Variants in HTR1F observed in about 807,000 individuals in gnomAD.
HTR1F encodes 5-hydroxytryptamine receptor 1F.
Under a neutral mutation model 24.0 loss-of-function variants are expected in HTR1F, and 17 were observed. The observed-to-expected ratio is 0.71, with a 90% CI of 0.48 to 1.06. The LOEUF is 1.06. Among genes scored for constraint, HTR1F ranks in the 50% least tolerant of loss-of-function variants. The pLI, the probability that HTR1F is intolerant of heterozygous loss-of-function variation, is 0.00. For missense variants in HTR1F, 391 were observed against 427.8 expected, an observed-to-expected ratio of 0.91 and a Z score of 0.76; for synonymous variants, 186 against 156.8, an observed-to-expected ratio of 1.19 and a Z score of -1.39.
rs1215131648 is a variant in HTR1F, at chr3:87,902,361, T to G, written c.-43+80237T>G. On this transcript the variant is annotated intron_variant, in intron 2 of 2. Transcript: ENST00000319595. The stretch of plus-strand genomic sequence containing the variant: ...TTGCTCCAGAAAAATTTAATTTCAT[T>G]GGGGAGGAATATGAATCTTGATTCC... Among the ~76,000 whole-genome samples, 4 of 152,112 alleles carry G rather than the reference T, an allele frequency of 2.6e-5. No individual in the cohort carries two copies. The East Asian group carries it at 7.7e-4, about 29-fold the overall frequency.
At chr3:87,840,953 A>C (rs1488354644) in intron 2 of HTR1F, among the ~76,000 whole-genome samples, 1 of 151,888 alleles carries the variant, frequency 6.6e-6, no homozygotes, top group Non-Finnish European at 1.5e-5. Context: ...GGAAAAGGGG[A>C]GATGTTGGTC....
At chr3:87,821,248 C>T (rs1353740469) in intron 1 of HTR1F, among the ~76,000 whole-genome samples, 1 of 152,096 alleles carries the variant, frequency 6.6e-6, no homozygotes, top group Non-Finnish European at 1.5e-5. Context: ...TTCAGAAACC[C>T]ATAAGTTATA....
rs1043764860 is a variant in HTR1F at position 87,907,101 on chromosome 3, G to A, written c.-42-83607G>A. Among the ~76,000 whole-genome samples, 7 of 151,968 alleles carry A rather than the reference G, an allele frequency of 4.6e-5. 1 individual carries two copies. In the South Asian group the frequency reaches 1.2e-3, roughly 27 times the overall value. The stretch of plus-strand genomic sequence containing the variant: ...GGCAGTTCTACTTTTGGCTCTTTAA[G>A]GAATCTCCATACTGTTTTTCATAGT... On this transcript the variant is annotated intron_variant, in intron 2 of 2. Transcript: ENST00000319595.
chr3:87,985,779 A>C (rs1705649571), intron 2 of HTR1F, among the ~76,000 whole-genome samples: 1 of 152,260 alleles, frequency 6.6e-6, no homozygotes, highest in Admixed American at 6.5e-5. Flanking sequence ...TATAAAATGA[A>C]TTAAACTATG....
intron 2 of HTR1F, among the ~76,000 whole-genome samples, chr3:87,839,294 TCCAGTTTTACCA>T (rs1213907553): frequency 6.6e-6 from 1 of 152,130 alleles, no homozygotes; most frequent in Admixed American, 6.5e-5. Context: ...CATGTAGATG[TCCAGTTTTACCA>T]CCACCATCTA....
At chr3:87,848,146 T>A (rs753058872) in intron 2 of HTR1F, among the ~76,000 whole-genome samples, 11 of 151,896 alleles carry the variant, frequency 7.2e-5, no homozygotes, top group Admixed American at 3.3e-4. Context: ...AGTGTATGAG[T>A]TCCCTTTTCA....
chr3:87,830,985 G>GA (rs781318742), intron 2 of HTR1F, among the ~76,000 whole-genome samples: 2 of 152,178 alleles, frequency 1.3e-5, no homozygotes, highest in South Asian at 4.1e-4. Context: ...GGAGTTCCAT[G>GA]AAAGAAGGGA....
intron 2 of HTR1F, among the ~76,000 whole-genome samples, chr3:87,959,403 G>A (rs145961379): frequency 4.0e-4 from 60 of 151,896 alleles, no homozygotes; most frequent in East Asian, 7.7e-4. Context: ...AATTGAGAGC[G>A]CTTTGTTTTC....
intron 2 of HTR1F, among the ~76,000 whole-genome samples, chr3:87,831,043 C>G (rs547644191): frequency 6.6e-6 from 1 of 152,124 alleles, no homozygotes; most frequent in South Asian, 2.1e-4. Context: ...ACTGAATTAA[C>G]AGTTGATAAA....
chr3:87,841,487 A>T (rs1365967786), intron 2 of HTR1F, among the ~76,000 whole-genome samples: 1 of 151,954 alleles, frequency 6.6e-6, no homozygotes, highest in Non-Finnish European at 1.5e-5. Flanking sequence ...TAACAAATAT[A>T]TGAAAGTGCA....
intron 2 of HTR1F, among the ~76,000 whole-genome samples, chr3:87,839,838 G>C (rs1233018045): frequency 1.3e-5 from 2 of 152,048 alleles, no homozygotes; most frequent in African/African-American, 4.8e-5. Context: ...GCTCCCACTT[G>C]TAAGTGGAAA....
At chr3:87,801,551 G>A (rs1375545039) in intron 1 of HTR1F, among the ~76,000 whole-genome samples, 1 of 152,176 alleles carries the variant, frequency 6.6e-6, no homozygotes, top group African/African-American at 2.4e-5. Flanking sequence ...CGTTGATCTG[G>A]TCTGGAAAGG....
intron 1 of HTR1F, among the ~76,000 whole-genome samples, chr3:87,808,228 C>T (rs984635428): frequency 4.6e-5 from 7 of 151,820 alleles, no homozygotes; most frequent in African/African-American, 1.7e-4. Context: ...TAGAATTTGG[C>T]AGTGAAACCA....
intron 2 of HTR1F, among the ~76,000 whole-genome samples, chr3:87,931,627 G>A (rs1704274633): frequency 6.6e-6 from 1 of 152,090 alleles, no homozygotes; most frequent in South Asian, 2.1e-4. Context: ...TCGCCACACT[G>A]ACTTCCACAA....
At chr3:87,855,425 T>G (rs1247975146) in intron 2 of HTR1F, among the ~76,000 whole-genome samples, 1 of 152,062 alleles carries the variant, frequency 6.6e-6, no homozygotes, top group Non-Finnish European at 1.5e-5. Flanking sequence ...CAAGGCTGCT[T>G]TCCACACCTT....
intron 2 of HTR1F, among the ~76,000 whole-genome samples, chr3:87,839,731 A>G (rs1386898839): frequency 3.3e-5 from 5 of 152,100 alleles, no homozygotes; most frequent in South Asian, 4.1e-4. Context: ...GGTAGTTAGC[A>G]TAGTAACCAA....
chr3:87,821,008 A>G (rs1350616071), intron 1 of HTR1F, among the ~76,000 whole-genome samples: 1 of 152,210 alleles, frequency 6.6e-6, no homozygotes, highest in African/African-American at 2.4e-5. Flanking sequence ...TGATTTGGAC[A>G]ACAAATAATA....
At chr3:87,885,059 C>T (rs1705904831) in intron 2 of HTR1F, among the ~76,000 whole-genome samples, 1 of 152,184 alleles carries the variant, frequency 6.6e-6, no homozygotes, top group African/African-American at 2.4e-5. Flanking sequence ...CACCACATCA[C>T]ACTTATTCCA....
intron 1 of HTR1F, among the ~76,000 whole-genome samples, chr3:87,817,306 T>G (rs973783629): frequency 1.3e-5 from 2 of 152,194 alleles, no homozygotes; most frequent in Non-Finnish European, 2.9e-5. Context: ...TCTTAGATTT[T>G]AAATTCTTGA....
Sources: gnomAD v4.1 joint callset for allele counts (sites outside exome capture counted in the v4.1 genomes callset) on GRCh38, gnomAD v4.1.1 for gene constraint, MANE v1.5 for transcripts, NCBI Gene and HGNC (gene_info 2026-07-23, HGNC 2026-07-21) for gene names.